MARCHF1: variants seen among roughly 807,000 people sequenced by gnomAD.
MARCHF1 encodes the protein E3 ubiquitin-protein ligase MARCHF1.
In MARCHF1, 40 loss-of-function variants were observed where a neutral mutation model predicts 54.2. The observed-to-expected ratio is 0.74, with a 90% CI of 0.57 to 0.96. The LOEUF (loss-of-function observed/expected upper bound fraction) is 0.96. Among genes scored for constraint, MARCHF1 ranks in the 40% least tolerant of loss-of-function variants. The probability of loss-of-function intolerance (pLI) is 0.00; values close to 1 mark genes in which losing one functional copy is unlikely to be tolerated. For synonymous variants in MARCHF1, 236 were observed against 236.3 expected, an observed-to-expected ratio of 1.00 and a Z score of 0.01; for missense variants, 586 against 656.5, an observed-to-expected ratio of 0.89 and a Z score of 1.17.
At chr4:163,611,089 T>C (rs996050263) in intron 7 of MARCHF1, among the ~76,000 whole-genome samples, 2 of 152,106 alleles carry the variant, frequency 1.3e-5, no homozygotes, top group African/African-American at 4.8e-5. Context: ...TATAATTATA[T>C]ATCAGCTGTA....
At chr4:163,597,376 A>G (rs1014440146) in intron 7 of MARCHF1, among the ~76,000 whole-genome samples, 1 of 152,206 alleles carries the variant, frequency 6.6e-6, no homozygotes, top group African/African-American at 2.4e-5. Flanking sequence ...ACAGAATGGA[A>G]TTTCTAGTTA....
chr4:163,572,122 A>G (rs1298868412), intron 8 of MARCHF1, among the ~76,000 whole-genome samples: 2 of 151,942 alleles, frequency 1.3e-5, no homozygotes, highest in Admixed American at 6.6e-5. Context: ...TTTTCTCACC[A>G]TGGTTTGCTT....
At chr4:163,639,221 G>A (rs1017588554) in intron 5 of MARCHF1, among the ~76,000 whole-genome samples, 3 of 152,174 alleles carry the variant, frequency 2.0e-5, no homozygotes, top group Non-Finnish European at 4.4e-5. Flanking sequence ...GAGCAGGAAA[G>A]ATGAGATTTA....
At chr4:164,293,751 T>G (rs144619398) in intron 1 of MARCHF1, among the ~76,000 whole-genome samples, 295 of 152,350 alleles carry the variant, frequency 1.9e-3, no homozygotes, top group African/African-American at 6.6e-3. Flanking sequence ...AAAGACTACA[T>G]GTGCTGTGCC....
chr4:163,578,265 C>T (rs1740103398), intron 8 of MARCHF1, among the ~76,000 whole-genome samples: 1 of 152,006 alleles, frequency 6.6e-6, no homozygotes. Flanking sequence ...TAAGCATTTC[C>T]TATTATATCT....
chr4:163,552,248 T>C (rs1739131036), intron 8 of MARCHF1, among the ~76,000 whole-genome samples: 1 of 152,176 alleles, frequency 6.6e-6, no homozygotes, highest in Admixed American at 6.5e-5. Flanking sequence ...GGATCTGCAA[T>C]CCAAAGGAAC....
intron 2 of MARCHF1, among the ~76,000 whole-genome samples, chr4:164,020,114 G>A (rs1209771655): frequency 2.0e-5 from 3 of 152,142 alleles, no homozygotes; most frequent in African/African-American, 4.8e-5. Context: ...ATTTTACTCA[G>A]GATTTAACTT....
At chr4:164,283,541 A>G (rs1734076347) in intron 1 of MARCHF1, among the ~76,000 whole-genome samples, 1 of 151,094 alleles carries the variant, frequency 6.6e-6, no homozygotes, top group African/African-American at 2.4e-5. Context: ...GGGAACAACC[A>G]TGATGAATCC....
At chr4:163,771,055 A>G (rs1408747809) in intron 4 of MARCHF1, among the ~76,000 whole-genome samples, 2 of 152,220 alleles carry the variant, frequency 1.3e-5, no homozygotes, top group Non-Finnish European at 2.9e-5. Flanking sequence ...TTATTCCATT[A>G]TATTTTTTAT....
At chr4:164,298,297 A>G (rs1014068700) in intron 1 of MARCHF1, among the ~76,000 whole-genome samples, 5 of 152,252 alleles carry the variant, frequency 3.3e-5, no homozygotes, top group Non-Finnish European at 7.4e-5. Flanking sequence ...CTGTTCTACA[A>G]TGCTAAAAAG....
chr4:164,005,813 G>A (rs939212393), intron 2 of MARCHF1, among the ~76,000 whole-genome samples: 1 of 152,044 alleles, frequency 6.6e-6, no homozygotes, highest in Non-Finnish European at 1.5e-5. Context: ...CATTTCACAG[G>A]GCCATTGGGC....
chr4:163,989,855 T>C (rs1167098808), intron 2 of MARCHF1, among the ~76,000 whole-genome samples: 5 of 152,198 alleles, frequency 3.3e-5, no homozygotes, highest in Non-Finnish European at 7.3e-5. Context: ...TTTTTGTGTT[T>C]GTTCACCCCA....
At chr4:164,197,743 T>C (rs757906319) in intron 1 of MARCHF1, 27 of 1,610,754 alleles carry the variant, frequency 1.7e-5, no homozygotes, top group Non-Finnish European at 2.3e-5. Flanking sequence ...GAGGCTCTCG[T>C]GCCAGCCGAA....
intron 5 of MARCHF1, among the ~76,000 whole-genome samples, chr4:163,697,984 A>G (rs1744688227): frequency 1.3e-5 from 2 of 152,218 alleles, no homozygotes; most frequent in Non-Finnish European, 1.5e-5. Flanking sequence ...TCACTGATAG[A>G]AAAATATTAA....
At chr4:164,326,905 G>A (rs1035123758) in intron 1 of MARCHF1, among the ~76,000 whole-genome samples, 8 of 148,962 alleles carry the variant, frequency 5.4e-5, no homozygotes, top group East Asian at 2.0e-4. Flanking sequence ...TTTTCTTATC[G>A]GTTCAATAGG....
At chr4:163,538,386 T>C (rs189809666) in intron 9 of MARCHF1, among the ~76,000 whole-genome samples, 3 of 152,234 alleles carry the variant, frequency 2.0e-5, no homozygotes, top group Admixed American at 6.5e-5. Flanking sequence ...CTGTACTCTA[T>C]TGGAGTTGGG....
intron 3 of MARCHF1, among the ~76,000 whole-genome samples, chr4:163,911,939 A>G (rs1283320435): frequency 2.6e-5 from 4 of 152,174 alleles, no homozygotes; most frequent in African/African-American, 9.7e-5. Context: ...CTGTGGTACT[A>G]TGTTGTGGTA....
intron 5 of MARCHF1, among the ~76,000 whole-genome samples, chr4:163,698,949 C>T (rs1382037000): frequency 3.3e-5 from 5 of 152,136 alleles, no homozygotes; most frequent in Non-Finnish European, 7.3e-5. Flanking sequence ...TTTATAACCA[C>T]TTCAGAAAAC....
At position 164,081,577 on chromosome 4, in the gene MARCHF1, TC is replaced by T. The variant is rs148348420; in HGVS notation, c.-248+30010del. 8.1e-3 allele frequency among the ~76,000 whole-genome samples: 1,235 copies of T among 152,236 alleles called. 11 individuals are homozygous for T. The highest frequency in any genetic ancestry group is 0.028 in the African/African-American group (1,159 of 41,540). On this transcript the variant is annotated intron_variant, in intron 2 of 9. Coordinates refer to ENST00000514618, the MANE Select transcript of MARCHF1 (RefSeq NM_001394959.1). ...ATCTAAGCCCTATGAGTGCTCCTCTTCCTTCACCTAGCAGCATGACACAGGG... is the reference window on the plus strand; with the variant it reads ...ATCTAAGCCCTATGAGTGCTCCTCTTCTTCACCTAGCAGCATGACACAGGG...
Sources: allele counts gnomAD v4.1 joint callset (sites outside exome capture counted in the v4.1 genomes callset), GRCh38; gene constraint gnomAD v4.1.1; transcripts MANE v1.5; gene names NCBI Gene and HGNC (gene_info 2026-07-23, HGNC 2026-07-21).